Variants in BMP7 observed in about 807,000 individuals in gnomAD.
BMP7 encodes osteogenic protein 1.
Under a neutral mutation model 41.2 loss-of-function variants are expected in BMP7, and 12 were observed. The observed-to-expected ratio is 0.29, with a 90% CI of 0.19 to 0.47. The LOEUF (loss-of-function observed/expected upper bound fraction) is 0.47. BMP7 is among the 20% of genes least tolerant of loss of function. The pLI, the probability that BMP7 is intolerant of heterozygous loss-of-function variation, is 0.99. For missense variants in BMP7, 467 were observed against 606.0 expected (o/e 0.77, Z 2.41); for synonymous variants, 248 against 250.0 (o/e 0.99, Z 0.07).
intron 1 of BMP7, among the ~76,000 whole-genome samples, chr20:57,258,492 G>A (rs1386792627): frequency 6.6e-6 from 1 of 152,164 alleles, no homozygotes; most frequent in Non-Finnish European, 1.5e-5. Flanking sequence ...CTTCCAGAAA[G>A]GATTGGGAAG....
intron 1 of BMP7, chr20:57,243,961 C>A (rs972017047): frequency 6.8e-6 from 1 of 146,348 alleles, no homozygotes. Context: ...CAGAGCCGGG[C>A]GAGAGGGCGA....
chr20:57,238,362 G>A (rs1019986516), intron 1 of BMP7, among the ~76,000 whole-genome samples: 2 of 152,200 alleles, frequency 1.3e-5, no homozygotes, highest in African/African-American at 4.8e-5. Context: ...ATCCCTGAAT[G>A]GTATGCAGCT....
chr20:57,238,709 A>G (rs971770463), intron 1 of BMP7, among the ~76,000 whole-genome samples: 5 of 152,124 alleles, frequency 3.3e-5, no homozygotes, highest in African/African-American at 9.7e-5. Context: ...GGAAAAAAAA[A>G]AAGAGGTTAA....
chr20:57,256,711 A>G (rs1308406182), intron 1 of BMP7, among the ~76,000 whole-genome samples: 1 of 152,094 alleles, frequency 6.6e-6, no homozygotes, highest in Non-Finnish European at 1.5e-5. Flanking sequence ...TTCTACTAAA[A>G]ATAAAAAATA....
intron 1 of BMP7, among the ~76,000 whole-genome samples, chr20:57,260,576 G>A (rs371489933): frequency 1.1e-4 from 17 of 152,306 alleles, no homozygotes; most frequent in African/African-American, 3.8e-4. Flanking sequence ...AAATGGCACC[G>A]GCGCATTTGA....
rs2066177270 is a variant in BMP7 at position 57,266,129 on chromosome 20, G to A, written c.-7C>T. 2.0e-6 allele frequency: 3 copies of A among 1,524,856 alleles called. No individual in the cohort carries two copies. The highest frequency in any genetic ancestry group is 2.6e-6 in the Non-Finnish European group (3 of 1,140,974). The allele number at this position is 1,524,856 out of a possible 1,614,324, so 94.5% of individuals were successfully genotyped here. The stretch of plus-strand genomic sequence containing the variant: ...GCAGTGAGCGCACGTGCATCGCGCC[G>A]GCTCTACGCGCTACCCGGGCTCCGG... On this transcript the variant is annotated 5_prime_UTR_variant, in exon 1 of 7. Transcript: ENST00000395863.
intron 3 of BMP7, among the ~76,000 whole-genome samples, chr20:57,196,410 A>G (rs992124170): frequency 6.6e-6 from 1 of 152,218 alleles, no homozygotes; most frequent in African/African-American, 2.4e-5. Flanking sequence ...GAATGTGAGC[A>G]ACACAACAGC....
At position 57,172,045 on chromosome 20, in the gene BMP7, A is replaced by T. The variant is rs199652680; in HGVS notation, c.1147-937T>A. On this transcript the variant is annotated intron_variant, in intron 6 of 6. Transcript: ENST00000395863. ...CCTGGAGAATTCACTTTGATCCTGC[A>T]GATCTCTGGTGAAATACTGATGGAA... Among the ~76,000 whole-genome samples the T allele has an allele frequency of 6.6e-5, 10 of 152,354 alleles. No individual in the cohort carries two copies. The East Asian group carries it at 1.9e-3, about 29-fold the overall frequency.
At chr20:57,188,238 T>G (rs1028568329) in intron 3 of BMP7, among the ~76,000 whole-genome samples, 6 of 152,146 alleles carry the variant, frequency 3.9e-5, no homozygotes, top group African/African-American at 1.4e-4. Flanking sequence ...CAAAATATGG[T>G]GAATCCATAT....
chr20:57,188,389 C>T (rs1261533897), intron 3 of BMP7, among the ~76,000 whole-genome samples: 11 of 152,024 alleles, frequency 7.2e-5, no homozygotes, highest in Admixed American at 6.6e-4. Flanking sequence ...ATGAAATGTC[C>T]GGAACAGGTA....
chr20:57,261,683 C>T lies in BMP7; in HGVS notation c.418+4022G>A, dbSNP rs2066154900. Among the ~76,000 whole-genome samples the T allele has an allele frequency of 1.3e-5, 2 of 152,226 alleles. No individual in the cohort carries two copies. The highest frequency in any genetic ancestry group is 4.1e-4 in the South Asian group (2 of 4,824). On this transcript the variant is annotated intron_variant, in intron 1 of 6. Transcript: ENST00000395863. This position sits in a 1 kb window ranked among gnomAD's most constrained non-coding sequence, Gnocchi z 4.1. Reference sequence around the variant, plus strand: ...TCTATATTAACCTTTGGCTGCTCACCAGTGAGGGCCGGCGCTCCGAGTGCT... The same window carrying T: ...TCTATATTAACCTTTGGCTGCTCACTAGTGAGGGCCGGCGCTCCGAGTGCT...
At chr20:57,262,111 C>T (rs191386689) in intron 1 of BMP7, among the ~76,000 whole-genome samples, 2 of 152,222 alleles carry the variant, frequency 1.3e-5, no homozygotes, top group Non-Finnish European at 2.9e-5. Context: ...ACTTCCACTC[C>T]CCTAGTGCCA....
intron 3 of BMP7, among the ~76,000 whole-genome samples, chr20:57,193,773 C>G (rs1217313848): frequency 6.6e-6 from 1 of 152,308 alleles, no homozygotes; most frequent in East Asian, 1.9e-4. Context: ...TGATGTAAAG[C>G]AGAAATTGAG....
chr20:57,227,105 G>A (rs978793517), intron 2 of BMP7, among the ~76,000 whole-genome samples: 7 of 152,148 alleles, frequency 4.6e-5, no homozygotes, highest in African/African-American at 1.7e-4. Context: ...GGGATTACAG[G>A]CGTGAGCTAC....
Position 57,261,369 on chromosome 20 carries a change from C to T in BMP7, c.418+4336G>A, listed in dbSNP as rs10439570. ...CCTTCCATGGGGACCGCTCCACAAC[C>T]GAATGACAACCCTGGAACCAAAACC... On this transcript the variant is annotated intron_variant, in intron 1 of 6. Transcript: ENST00000395863. The surrounding 1 kb of genome is among the most constrained non-coding windows in gnomAD (Gnocchi z 4.1). Among the ~76,000 whole-genome samples the T allele has an allele frequency of 4.9e-3, 741 of 152,256 alleles. 6 individuals are homozygous for T. Among genetic ancestry groups the T allele is most frequent in the African/African-American group, 0.017 (718 of 41,522 alleles).
intron 2 of BMP7, among the ~76,000 whole-genome samples, chr20:57,226,138 C>G (rs2123115335): frequency 6.6e-6 from 1 of 152,366 alleles, no homozygotes; most frequent in African/African-American, 2.4e-5. Context: ...AACCCTGCAG[C>G]CCTCAGGATC....
chr20:57,205,367 C>T (rs896940884), intron 2 of BMP7, among the ~76,000 whole-genome samples: 3 of 152,282 alleles, frequency 2.0e-5, no homozygotes, highest in East Asian at 1.9e-4. Context: ...AGGCTGGCTT[C>T]GGGGATGTCT....
At chr20:57,205,412 G>A (rs1235487830) in intron 2 of BMP7, among the ~76,000 whole-genome samples, 2 of 152,188 alleles carry the variant, frequency 1.3e-5, no homozygotes, top group Non-Finnish European at 2.9e-5. Context: ...AGAATTTCCT[G>A]CTGTCTTATC....
chr20:57,211,983 G>T (rs1484289897), intron 2 of BMP7, among the ~76,000 whole-genome samples: 2 of 152,230 alleles, frequency 1.3e-5, no homozygotes, highest in Non-Finnish European at 2.9e-5. Context: ...TCTCTCCTGA[G>T]ATCCACACTG....
Sources: allele counts gnomAD v4.1 joint callset (sites outside exome capture counted in the v4.1 genomes callset), GRCh38; gene constraint gnomAD v4.1.1; non-coding constraint Gnocchi (gnomAD v3.1); transcripts MANE v1.5; gene names NCBI Gene and HGNC (gene_info 2026-07-23, HGNC 2026-07-21).